The following TRPS1 variants were observed in gnomAD, a reference collection of about 807,000 sequenced individuals.
The protein encoded by TRPS1 is zinc finger transcription factor Trps1.
Under a neutral mutation model 101.2 loss-of-function variants are expected in TRPS1, and 6 were observed. The ratio of observed to expected loss-of-function variants is 0.06; its 90% CI spans 0.03 to 0.12. The LOEUF (loss-of-function observed/expected upper bound fraction) is 0.12. Ranked by LOEUF, TRPS1 falls within the 10% of genes least tolerant of loss-of-function variation. The probability of loss-of-function intolerance (pLI) is 1.00; values close to 1 mark genes in which losing one functional copy is unlikely to be tolerated. For synonymous variants in TRPS1, 578 were observed against 589.8 expected, an observed-to-expected ratio of 0.98 and a Z score of 0.29; for missense variants, 1,363 against 1,567.0, an observed-to-expected ratio of 0.87 and a Z score of 2.20.
chr8:115,551,719 C>T (rs1816709522), intron 5 of TRPS1, among the ~76,000 whole-genome samples: 1 of 151,812 alleles, frequency 6.6e-6, no homozygotes, highest in Admixed American at 6.6e-5. Flanking sequence ...TCTTATATAG[C>T]ATTAAAAGCA....
chr8:115,435,998 TCA>T (rs4027183), intron 5 of TRPS1, among the ~76,000 whole-genome samples: 5,545 of 133,926 alleles, frequency 0.041, 140 homozygotes, highest in African/African-American at 0.087. Flanking sequence ...AAATGAGAAA[TCA>T]CACACACACA....
At chr8:115,597,930 G>C (rs886829150) in intron 4 of TRPS1, among the ~76,000 whole-genome samples, 2 of 152,102 alleles carry the variant, frequency 1.3e-5, no homozygotes, top group Non-Finnish European at 2.9e-5. Flanking sequence ...TGAACATCCA[G>C]AGACTTATGT....
chr8:115,517,956 C>A (rs1179443453), intron 5 of TRPS1, among the ~76,000 whole-genome samples: 1 of 63,422 alleles, frequency 1.6e-5, no homozygotes, highest in East Asian at 4.8e-4. Flanking sequence ...AGAACCCATA[C>A]TAAAACTGGA....
chr8:115,545,666 C>T (rs529824863), intron 5 of TRPS1, among the ~76,000 whole-genome samples: 84 of 152,200 alleles, frequency 5.5e-4, no homozygotes, highest in African/African-American at 1.9e-3. Context: ...TTAGGCAGAC[C>T]ATTTCTTCAT....
chr8:115,553,502 C>A (rs1438215761), intron 5 of TRPS1, among the ~76,000 whole-genome samples: 4 of 152,098 alleles, frequency 2.6e-5, no homozygotes, highest in Non-Finnish European at 5.9e-5. Context: ...AAAAACCTTT[C>A]TAGCTAGTTA....
chr8:115,625,856 TTAATTA>T (rs1818494462), intron 1 of TRPS1, among the ~76,000 whole-genome samples: 1 of 151,902 alleles, frequency 6.6e-6, no homozygotes, highest in African/African-American at 2.4e-5. Context: ...CGCATAATTT[TTAATTA>T]TAAGTAACAG....
At chr8:115,548,572 A>G (rs1816632886) in intron 5 of TRPS1, among the ~76,000 whole-genome samples, 1 of 152,174 alleles carries the variant, frequency 6.6e-6, no homozygotes, top group Non-Finnish European at 1.5e-5. Flanking sequence ...GGCATGAGCC[A>G]CTGTGCCTGG....
At chr8:115,481,247 T>G (rs1357130482) in intron 5 of TRPS1, among the ~76,000 whole-genome samples, 1 of 152,160 alleles carries the variant, frequency 6.6e-6, no homozygotes, top group Non-Finnish European at 1.5e-5. Context: ...CACCAAAAAT[T>G]AATGAAATTA....
At chr8:115,501,275 T>C (rs1260633246) in intron 5 of TRPS1, among the ~76,000 whole-genome samples, 1 of 152,222 alleles carries the variant, frequency 6.6e-6, no homozygotes, top group Non-Finnish European at 1.5e-5. Context: ...CCAGTGAACA[T>C]GTTCCAGCTA....
At chr8:115,600,989 A>G (rs1263679932) in intron 4 of TRPS1, among the ~76,000 whole-genome samples, 1 of 152,148 alleles carries the variant, frequency 6.6e-6, no homozygotes, top group East Asian at 1.9e-4. Context: ...TGACTAGATC[A>G]TGTTTGCAGT....
intron 5 of TRPS1, among the ~76,000 whole-genome samples, chr8:115,525,146 A>G: frequency 6.6e-6 from 1 of 152,172 alleles, no homozygotes; most frequent in East Asian, 1.9e-4. Context: ...TAAGTATCTT[A>G]TGGTCAGATC....
chr8:115,524,267 A>T (rs1815938149), intron 5 of TRPS1, among the ~76,000 whole-genome samples: 1 of 151,376 alleles, frequency 6.6e-6, no homozygotes, highest in Non-Finnish European at 1.5e-5. Context: ...GTTTCATAAC[A>T]TAAAACACTC....
At chr8:115,541,012 A>G (rs1816439054) in intron 5 of TRPS1, among the ~76,000 whole-genome samples, 2 of 151,990 alleles carry the variant, frequency 1.3e-5, no homozygotes, top group Admixed American at 1.3e-4. Flanking sequence ...CTTCCTTTTC[A>G]TTCTCAGATT....
intron 1 of TRPS1, among the ~76,000 whole-genome samples, chr8:115,647,755 TA>T (rs1196276146): frequency 5.9e-5 from 9 of 152,220 alleles, no homozygotes; most frequent in African/African-American, 2.2e-4. Flanking sequence ...CAATTTTAGT[TA>T]TCTCCATAAA....
chr8:115,439,983 T>A (rs533494380), intron 5 of TRPS1, among the ~76,000 whole-genome samples: 1 of 152,322 alleles, frequency 6.6e-6, no homozygotes, highest in Non-Finnish European at 1.5e-5. Context: ...TTGAGTTTTA[T>A]TTGAATGTTT....
chr8:115,417,897 G>A (rs888470922), intron 6 of TRPS1, among the ~76,000 whole-genome samples: 3 of 152,100 alleles, frequency 2.0e-5, no homozygotes, highest in Non-Finnish European at 2.9e-5. Flanking sequence ...TGTGAATTCC[G>A]AAGGTAAACT....
chr8:115,482,201 C>T (rs748634544), intron 5 of TRPS1, among the ~76,000 whole-genome samples: 3 of 152,114 alleles, frequency 2.0e-5, no homozygotes, highest in Non-Finnish European at 2.9e-5. Context: ...ACTAACCATT[C>T]ATTCAATGAG....
At chr8:115,440,145 T>C (rs1813555131) in intron 5 of TRPS1, among the ~76,000 whole-genome samples, 2 of 152,226 alleles carry the variant, frequency 1.3e-5, no homozygotes, top group Non-Finnish European at 2.9e-5. Context: ...TTTTTTAAAA[T>C]GCATTTATTT....
intron 5 of TRPS1, among the ~76,000 whole-genome samples, chr8:115,443,403 C>T (rs1247281639): frequency 1.3e-5 from 2 of 152,154 alleles, no homozygotes; most frequent in African/African-American, 4.8e-5. Flanking sequence ...GTGACTGCCT[C>T]CTTTAGAAGG....
Sources: allele counts gnomAD v4.1 joint callset (sites outside exome capture counted in the v4.1 genomes callset), GRCh38; gene constraint gnomAD v4.1.1; transcripts MANE v1.5; gene names NCBI Gene and HGNC (gene_info 2026-07-23, HGNC 2026-07-21).